Variants in CSMD1 observed in about 807,000 individuals in gnomAD.
The protein encoded by CSMD1 is CUB and Sushi multiple domains 1, also known as CUB and sushi domain-containing protein 1.
Under a neutral mutation model 417.5 loss-of-function variants are expected in CSMD1, and 213 were observed. The ratio of observed to expected loss-of-function variants is 0.51; its 90% CI spans 0.46 to 0.57. The LOEUF is 0.57. CSMD1 is among the 20% of genes least tolerant of loss of function. The pLI, the probability that CSMD1 is intolerant of heterozygous loss-of-function variation, is 0.00. For synonymous variants in CSMD1, 2,862 were observed against 1,736.8 expected (o/e 1.65, Z -16.11); for missense variants, 6,923 against 4,529.7 (o/e 1.53, Z -15.17).
chr8:4,833,156 T>G (rs568168571), intron 1 of CSMD1, among the ~76,000 whole-genome samples: 1 of 152,312 alleles, frequency 6.6e-6, no homozygotes, highest in Admixed American at 6.5e-5. Context: ...ACTGTATTAG[T>G]CCATTCTCAC....
chr8:3,539,518 C>T (rs1435897658), intron 10 of CSMD1, among the ~76,000 whole-genome samples: 2 of 152,054 alleles, frequency 1.3e-5, no homozygotes, highest in Non-Finnish European at 2.9e-5. Flanking sequence ...TATTATGAAG[C>T]CCACAAAGGT....
At chr8:4,477,918 A>G (rs745786476) in intron 2 of CSMD1, among the ~76,000 whole-genome samples, 21 of 152,294 alleles carry the variant, frequency 1.4e-4, no homozygotes, top group Non-Finnish European at 2.5e-4. Context: ...TACCTGATCA[A>G]TTTTTGCCTG....
At chr8:4,257,117 A>G (rs952726838) in intron 3 of CSMD1, among the ~76,000 whole-genome samples, 1 of 152,172 alleles carries the variant, frequency 6.6e-6, no homozygotes, top group African/African-American at 2.4e-5. Flanking sequence ...ACTCTATATG[A>G]GTCATACTCA....
chr8:3,815,073 T>A (rs192009011), intron 5 of CSMD1, among the ~76,000 whole-genome samples: 7 of 152,308 alleles, frequency 4.6e-5, no homozygotes, highest in African/African-American at 1.7e-4. Flanking sequence ...AGATTAAATG[T>A]CCCCTGATAT....
chr8:4,532,719 C>G (rs1221445921), intron 2 of CSMD1, among the ~76,000 whole-genome samples: 14 of 141,816 alleles, frequency 9.9e-5, no homozygotes, highest in Non-Finnish European at 1.7e-4. Flanking sequence ...TCCTGCACCC[C>G]CATTCAGTCA....
At chr8:4,351,875 T>C (rs17069996) in intron 3 of CSMD1, among the ~76,000 whole-genome samples, 5,147 of 151,896 alleles carry the variant, frequency 0.034, 92 homozygotes, top group Middle Eastern at 0.045. Flanking sequence ...ACGACAGGAC[T>C]TGTATGTGGA....
chr8:3,802,613 T>C (rs914057674), intron 5 of CSMD1, among the ~76,000 whole-genome samples: 12 of 152,324 alleles, frequency 7.9e-5, no homozygotes, highest in East Asian at 1.9e-4. Context: ...CAACTGTTTA[T>C]ATAATTTTAA....
intron 12 of CSMD1, among the ~76,000 whole-genome samples, chr8:3,437,714 C>T (rs1236273973): frequency 6.6e-6 from 1 of 151,930 alleles, no homozygotes; most frequent in African/African-American, 2.4e-5. Context: ...CACCCTGTTC[C>T]CACCAAAGCC....
intron 3 of CSMD1, among the ~76,000 whole-genome samples, chr8:4,274,222 A>T (rs1796337918): frequency 6.6e-6 from 1 of 152,194 alleles, no homozygotes; most frequent in African/African-American, 2.4e-5. Flanking sequence ...TATAAAGTCC[A>T]GGCCTCTGAA....
intron 1 of CSMD1, among the ~76,000 whole-genome samples, chr8:4,915,840 T>C (rs1379638361): frequency 6.6e-6 from 1 of 152,232 alleles, no homozygotes; most frequent in Non-Finnish European, 1.5e-5. Context: ...TCTGTCACAA[T>C]GGCATCCTGC....
intron 5 of CSMD1, among the ~76,000 whole-genome samples, chr8:3,942,579 A>G (rs1367695162): frequency 2.6e-5 from 4 of 152,152 alleles, no homozygotes; most frequent in Non-Finnish European, 5.9e-5. Context: ...TCACAGAGAG[A>G]TAGATGTAGT....
chr8:4,732,605 G>A (rs1282095110), intron 1 of CSMD1, among the ~76,000 whole-genome samples: 1 of 152,060 alleles, frequency 6.6e-6, no homozygotes, highest in Non-Finnish European at 1.5e-5. Context: ...GACCACCCCA[G>A]ACAGCAGAAG....
chr8:3,018,538 C>A lies in CSMD1; in HGVS notation c.7968G>T (p.Gly2656=), dbSNP rs775421314. Residue 2656 remains glycine (G), a synonymous_variant, in exon 52 of 70, where the codon GGG becomes GGT. Transcript: ENST00000635120. Reference sequence around the variant, plus strand: ...TTGCCAAGCACTCTCTGACATGAGACCCCACAAGCGTGTAGCCGGTGTTGC... The same window carrying A: ...TTGCCAAGCACTCTCTGACATGAGAACCCACAAGCGTGTAGCCGGTGTTGC... ...FTCNTGYTLV[G]SHVRECLANG... 1 of 1,613,774 alleles carries A rather than the reference C, an allele frequency of 6.2e-7. No homozygotes were observed. The highest frequency in any genetic ancestry group is 8.5e-7 in the Non-Finnish European group (1 of 1,179,824).
At chr8:4,861,300 G>C (rs888035659) in intron 1 of CSMD1, among the ~76,000 whole-genome samples, 2 of 152,022 alleles carry the variant, frequency 1.3e-5, no homozygotes, top group African/African-American at 4.8e-5. Context: ...GCACATAATC[G>C]TGAACTTACA....
chr8:4,558,449 G>A (rs527883394), intron 2 of CSMD1, among the ~76,000 whole-genome samples: 1 of 152,150 alleles, frequency 6.6e-6, no homozygotes, highest in African/African-American at 2.4e-5. Context: ...ATCAGCTTAA[G>A]TGAGGGTTGC....
At chr8:4,688,417 C>A (rs962796697) in intron 1 of CSMD1, among the ~76,000 whole-genome samples, 6 of 152,092 alleles carry the variant, frequency 3.9e-5, no homozygotes, top group Non-Finnish European at 7.3e-5. Flanking sequence ...ACCTGCTATA[C>A]CAAACCAAGA....
chr8:4,309,173 G>C (rs1798420497), intron 3 of CSMD1, among the ~76,000 whole-genome samples: 1 of 152,050 alleles, frequency 6.6e-6, no homozygotes, highest in Admixed American at 6.6e-5. Flanking sequence ...GAAGATGTGT[G>C]GAGATTCTGA....
Position 3,526,317 on chromosome 8 carries a change from A to ATT in CSMD1, c.1345-32593_1345-32592dup, listed in dbSNP as rs59664767. Among the ~76,000 whole-genome samples, 5 of 150,094 alleles carry ATT rather than the reference A, an allele frequency of 3.3e-5. 1 individual carries two copies. Among genetic ancestry groups the ATT allele is most frequent in the African/African-American group, 9.8e-5 (4 of 40,830 alleles). ...TAGATATAGGCAATGTTTAAAATAT[A>ATT]TTTTTTTTTTGTGGAAATTGGACAC... On this transcript the variant is annotated intron_variant, in intron 10 of 69. Transcript: ENST00000635120.
At chr8:4,247,699 T>C (rs1444494166) in intron 3 of CSMD1, among the ~76,000 whole-genome samples, 2 of 152,168 alleles carry the variant, frequency 1.3e-5, no homozygotes, top group Admixed American at 6.5e-5. Flanking sequence ...TGCATTTTTA[T>C]TTTGGTACAC....
Sources: allele counts gnomAD v4.1 joint callset (sites outside exome capture counted in the v4.1 genomes callset), GRCh38; gene constraint gnomAD v4.1.1; transcripts MANE v1.5; gene names NCBI Gene and HGNC (gene_info 2026-07-23, HGNC 2026-07-21).